The following DDAH1 variants were observed in gnomAD, a reference collection of about 807,000 sequenced individuals.
DDAH1 encodes N(G),N(G)-dimethylarginine dimethylaminohydrolase 1.
In DDAH1, 19 loss-of-function variants were observed where a neutral mutation model predicts 28.8. That is an observed-to-expected ratio of 0.66 (90% CI 0.46 to 0.97). DDAH1 has a LOEUF of 0.97. Ranked by LOEUF, DDAH1 falls within the 50% of genes least tolerant of loss-of-function variation. The pLI is 0.00. For missense variants in DDAH1, 326 were observed against 375.9 expected (o/e 0.87, Z 1.10); for synonymous variants, 153 against 154.4 (o/e 0.99, Z 0.07).
chr1:85,388,988 T>C (rs536265048), intron 1 of DDAH1, among the ~76,000 whole-genome samples: 21 of 152,292 alleles, frequency 1.4e-4, no homozygotes, highest in African/African-American at 5.1e-4. Flanking sequence ...AGTTGCTAGT[T>C]GATTGGGAAA....
intron 1 of DDAH1, among the ~76,000 whole-genome samples, chr1:85,526,878 G>A (rs1359771082): frequency 6.7e-6 from 1 of 149,628 alleles, no homozygotes; most frequent in African/African-American, 2.5e-5. Flanking sequence ...AGTGAGAAGA[G>A]AAGGAGGGAG....
At chr1:85,461,964 C>T (rs1171325035) in intron 1 of DDAH1, among the ~76,000 whole-genome samples, 2 of 152,078 alleles carry the variant, frequency 1.3e-5, no homozygotes, top group Non-Finnish European at 2.9e-5. Flanking sequence ...ATAACCCTGG[C>T]CAATTTATTT....
chr1:85,330,393 G>A (rs1374785585), intron 4 of DDAH1, among the ~76,000 whole-genome samples: 3 of 152,144 alleles, frequency 2.0e-5, no homozygotes, highest in South Asian at 2.1e-4. Context: ...CTGTTGGGCC[G>A]TTTAGTTCTG....
chr1:85,525,715 C>T (rs543505933), intron 1 of DDAH1, among the ~76,000 whole-genome samples: 273 of 152,070 alleles, frequency 1.8e-3, no homozygotes, highest in African/African-American at 6.3e-3. Context: ...CTATTTATAC[C>T]CCATCTTCCA....
chr1:85,391,958 C>T (rs929707112), intron 1 of DDAH1, among the ~76,000 whole-genome samples: 1 of 152,134 alleles, frequency 6.6e-6, no homozygotes, highest in Non-Finnish European at 1.5e-5. Context: ...TGTAGGTAGA[C>T]ACCAGAACTG....
intron 1 of DDAH1, among the ~76,000 whole-genome samples, chr1:85,394,798 T>A (rs1436471484): frequency 6.7e-6 from 1 of 148,608 alleles, no homozygotes; most frequent in Non-Finnish European, 1.5e-5. Flanking sequence ...TTCAAAAATC[T>A]CAAAGTAACA....
At chr1:85,562,655 C>T (rs544743656) in intron 1 of DDAH1, among the ~76,000 whole-genome samples, 2 of 152,076 alleles carry the variant, frequency 1.3e-5, no homozygotes, top group Non-Finnish European at 1.5e-5. Flanking sequence ...GATATTGGAG[C>T]GACGCATACA....
chr1:85,461,197 T>C (rs1277825915), intron 1 of DDAH1, among the ~76,000 whole-genome samples: 1 of 149,842 alleles, frequency 6.7e-6, no homozygotes, highest in Non-Finnish European at 1.5e-5. Context: ...CTCTAACGGC[T>C]TATTTTTCTT....
At chr1:85,441,952 G>C (rs1210263616) in intron 1 of DDAH1, among the ~76,000 whole-genome samples, 1 of 151,924 alleles carries the variant, frequency 6.6e-6, no homozygotes, top group African/African-American at 2.4e-5. Context: ...CGCCGTGAAA[G>C]TCTTGAGTGG....
intron 2 of DDAH1, among the ~76,000 whole-genome samples, chr1:85,353,689 A>AAAT (rs1188194540): frequency 6.6e-6 from 1 of 152,192 alleles, no homozygotes; most frequent in African/African-American, 2.4e-5. Context: ...TTCAAGATAA[A>AAAT]AATAGGTTTA....
intron 1 of DDAH1, among the ~76,000 whole-genome samples, chr1:85,556,594 G>T (rs1055911383): frequency 1.2e-4 from 18 of 151,484 alleles, no homozygotes; most frequent in Non-Finnish European, 1.5e-5. Context: ...CACAGCTAAA[G>T]GTGTGTGTGT....
chr1:85,335,875 T>A (rs2100810758), intron 4 of DDAH1, among the ~76,000 whole-genome samples: 1 of 152,170 alleles, frequency 6.6e-6, no homozygotes, highest in South Asian at 2.1e-4. Context: ...GGTGGGAGGA[T>A]GGCTTAAGCC....
chr1:85,507,387 C>T (rs1368476155), intron 1 of DDAH1, among the ~76,000 whole-genome samples: 14 of 152,002 alleles, frequency 9.2e-5, no homozygotes, highest in African/African-American at 3.4e-4. Flanking sequence ...GCTGTAATCC[C>T]AGCTACTTGG....
chr1:85,574,973 C>G (rs892800989), intron 1 of DDAH1, among the ~76,000 whole-genome samples: 5 of 152,126 alleles, frequency 3.3e-5, no homozygotes, highest in African/African-American at 4.8e-5. Context: ...GGTGCAGTGG[C>G]TCACACCTGC....
chr1:85,540,890 G>A (rs1246849700), intron 1 of DDAH1, among the ~76,000 whole-genome samples: 2 of 150,676 alleles, frequency 1.3e-5, no homozygotes, highest in African/African-American at 4.9e-5. Flanking sequence ...AGCCTGGGAG[G>A]CAGAGGTTGC....
intron 1 of DDAH1, among the ~76,000 whole-genome samples, chr1:85,437,806 T>C (rs1239016841): frequency 6.6e-6 from 1 of 152,210 alleles, no homozygotes; most frequent in African/African-American, 2.4e-5. Context: ...AGATTAACCA[T>C]TAATGTTAGG....
At chr1:85,568,437 C>T (rs1659365504) in intron 1 of DDAH1, among the ~76,000 whole-genome samples, 1 of 152,114 alleles carries the variant, frequency 6.6e-6, no homozygotes, top group Admixed American at 6.5e-5. Context: ...TCCACTGTGC[C>T]CACTGCCTAG....
chr1:85,481,216 G>C (rs1026750251), intron 2 of DDAH1, among the ~76,000 whole-genome samples: 1 of 147,664 alleles, frequency 6.8e-6, no homozygotes, highest in African/African-American at 2.5e-5. Context: ...TCCTGCCCCA[G>C]CCTCCCAAGT....
chr1:85,534,455 C>A (rs556027034), intron 1 of DDAH1, among the ~76,000 whole-genome samples: 1 of 151,914 alleles, frequency 6.6e-6, no homozygotes, highest in African/African-American at 2.4e-5. Context: ...TATATATATA[C>A]ACACACATAC....
Sources: gnomAD v4.1 joint callset for allele counts (sites outside exome capture counted in the v4.1 genomes callset) on GRCh38, gnomAD v4.1.1 for gene constraint, MANE v1.5 for transcripts, NCBI Gene and HGNC (gene_info 2026-07-23, HGNC 2026-07-21) for gene names.